NAA25: variants seen among roughly 807,000 people sequenced by gnomAD.
The protein encoded by NAA25 is N-alpha-acetyltransferase 25, NatB auxiliary subunit, also known as N-terminal acetyltransferase B complex subunit NAA25.
In NAA25, 30 loss-of-function variants were observed where a neutral mutation model predicts 132.5. The observed-to-expected ratio is 0.23, with a 90% confidence interval of 0.17 to 0.31. The LOEUF (loss-of-function observed/expected upper bound fraction) is 0.31. Ranked by LOEUF, NAA25 falls within the 10% of genes least tolerant of loss-of-function variation. NAA25 has a pLI of 1.00. For synonymous variants in NAA25, 359 were observed against 401.9 expected (o/e 0.89, Z 1.28); for missense variants, 771 against 1,150.4 (o/e 0.67, Z 4.77).
At position 112,028,163 on chromosome 12, in the gene NAA25, C is replaced by T. The variant is rs770737015; in HGVS notation, c.*1368G>A. 6 of 152,230 alleles carry T rather than the reference C, an allele frequency of 3.9e-5. No individual in the cohort carries two copies. Among genetic ancestry groups the T allele is most frequent in the Non-Finnish European group, 8.8e-5 (6 of 68,042 alleles). 9.4% of individuals were successfully genotyped at this position (152,230 alleles called of 1,614,324 possible). A position where few individuals can be genotyped will look rare whatever the true frequency, so the allele number is the denominator to read the frequency against. On this transcript the variant is annotated 3_prime_UTR_variant, in exon 24 of 24. Transcript: ENST00000261745. ...AGTACCACATTTCACTGGAGCAGTG[C>T]AGGTTGGAAAGCACCTTTAAGGTCT...
intron 1 of NAA25, among the ~76,000 whole-genome samples, chr12:112,093,622 G>T (rs1035770108): frequency 1.3e-5 from 2 of 152,302 alleles, no homozygotes; most frequent in Middle Eastern, 6.8e-3. Flanking sequence ...GCTCACACCT[G>T]TAATCCCAGT....
At chr12:112,059,811 T>C (rs2078598406) in intron 13 of NAA25, among the ~76,000 whole-genome samples, 1 of 97,316 alleles carries the variant, frequency 1.0e-5, no homozygotes. Context: ...TGGAGACAGG[T>C]TTTTTTTTTT....
At position 112,071,865 on chromosome 12, in the gene NAA25, C is replaced by A. The variant is rs773711492; in HGVS notation, c.1036+30G>T. The A allele has an allele frequency of 1.1e-5, 17 of 1,592,446 alleles. No individual in the cohort carries two copies. In the Admixed American group the frequency reaches 2.8e-4, roughly 26 times the overall value. On this transcript the variant is annotated intron_variant, in intron 10 of 23. Coordinates refer to ENST00000261745, the MANE Select transcript of NAA25 (RefSeq NM_024953.4). ...AGCACTTGGGTATTAAGGGCATTCT[C>A]CAGGCTTACCAGATATCATGGTTTC...
chr12:112,033,343 C>G lies in NAA25; in HGVS notation c.2686G>C (p.Gly896Arg). ...ACATTGGAAATTAAAGTCTGAAGCC[C>G]AGTAACATAGTCTTGGAAACTGGTA... is the stretch of plus-strand genomic sequence containing the variant. ...VFTSFQDYVT[G>R]LQTLISNVVD... Residue 896 changes from glycine to arginine, a missense_variant, in exon 23 of 24, where the codon GGG becomes CGG. By Grantham distance (125) the Gly-to-Arg change is moderately radical (BLOSUM62 -2). Around this residue, in one of 3 missense-constraint regions of NAA25, gnomAD observed 324 missense variants for 400.0 expected, o/e 0.81. Transcript: ENST00000261745. 1.2e-6 allele frequency: 2 copies of G among 1,612,190 alleles called. No individual in the cohort carries two copies. Among genetic ancestry groups the G allele is most frequent in the Non-Finnish European group, 1.7e-6 (2 of 1,179,226 alleles).
At chr12:112,046,082 C>T (rs1423849171) in intron 17 of NAA25, among the ~76,000 whole-genome samples, 3 of 152,212 alleles carry the variant, frequency 2.0e-5, no homozygotes, top group Non-Finnish European at 4.4e-5. Context: ...ACTTTGCACT[C>T]CAACTGTTCC....
In NAA25 at chr12:112,028,939, C is replaced by T. The variant is rs886158148; in HGVS notation, c.*592G>A. 2 of 152,268 alleles carry T rather than the reference C, an allele frequency of 1.3e-5. No homozygotes were observed. The highest frequency in any genetic ancestry group is 4.8e-5 in the African/African-American group (2 of 41,444). The allele number at this position is 152,268 out of a possible 1,614,324, so 9.4% of individuals were successfully genotyped here. A position where few individuals can be genotyped will look rare whatever the true frequency, so the allele number is the denominator to read the frequency against. On this transcript the variant is annotated 3_prime_UTR_variant, in exon 24 of 24. Transcript: ENST00000261745. Reference sequence around the variant, plus strand: ...TAGCCAAAAACTAAGTGCCTGTGGTCATCCAAGTGGTGCCCTTCTATTGCG... The same window carrying T: ...TAGCCAAAAACTAAGTGCCTGTGGTTATCCAAGTGGTGCCCTTCTATTGCG...
intron 1 of NAA25, among the ~76,000 whole-genome samples, chr12:112,100,496 A>C (rs762108891): frequency 6.0e-5 from 9 of 150,934 alleles, no homozygotes; most frequent in Non-Finnish European, 1.2e-4. Context: ...TATTTCCCAC[A>C]CAGTATTCAG....
At chr12:112,077,077 T>G (rs907519129) in intron 7 of NAA25, among the ~76,000 whole-genome samples, 2 of 152,056 alleles carry the variant, frequency 1.3e-5, no homozygotes, top group African/African-American at 4.8e-5. Context: ...TTAAGTAAAT[T>G]TCTACATTCA....
chr12:112,054,623 CAAAAACA>C (rs1359771676), intron 13 of NAA25, 55 bp from the exon 14 acceptor site: 1 of 1,499,378 alleles, frequency 6.7e-7, no homozygotes, highest in Non-Finnish European at 9.0e-7. Flanking sequence ...GAAAGCTTCC[CAAAAACA>C]AAAAACAAAA....
At chr12:112,030,944 ATTTTTTT>A (rs76808707) in intron 23 of NAA25, among the ~76,000 whole-genome samples, 1 of 146,990 alleles carries the variant, frequency 6.8e-6, no homozygotes, top group East Asian at 2.0e-4. Flanking sequence ...TGAATTTAAA[ATTTTTTT>A]TTTTTTTTAA....
chr12:112,073,568 C>G (rs1048503869), intron 9 of NAA25, among the ~76,000 whole-genome samples: 1 of 152,156 alleles, frequency 6.6e-6, no homozygotes, highest in Non-Finnish European at 1.5e-5. Context: ...TCCAGAGTAG[C>G]TGGGACTACA....
chr12:112,074,828 A>G, intron 8 of NAA25, 64 bp from the exon 9 acceptor site: 2 of 1,078,890 alleles, frequency 1.9e-6, no homozygotes, highest in Non-Finnish European at 2.8e-6. Context: ...TTCCTTAGGA[A>G]CCATGATATT....
At chr12:112,087,649 T>C in intron 4 of NAA25, 34 bp downstream of exon 4, 1 of 1,452,774 alleles carries the variant, frequency 6.9e-7, no homozygotes, top group Non-Finnish European at 9.6e-7. Flanking sequence ...TAATAGTAAA[T>C]CCCATAGCCC....
Position 112,043,667 on chromosome 12 carries a change from T to C in NAA25, c.2208A>G (p.Ala736=). ...TAAATCGCTTTCCTGTCTCCAGGGT[T>C]GCCTCCAGCTGTTGAAGGAGCAAAC... ...ILRLLLQQLE[A]TLETGKRFIE... Residue 736 remains alanine (A), a synonymous_variant, in exon 18 of 24, where the codon GCA becomes GCG. Coordinates refer to ENST00000261745, the MANE Select transcript of NAA25 (RefSeq NM_024953.4). 6.2e-7 allele frequency: 1 copy of C among 1,614,214 alleles called. No individual in the cohort carries two copies. The highest frequency in any genetic ancestry group is 2.2e-5 in the East Asian group (1 of 44,886).
In NAA25 at chr12:112,049,745, T is replaced by C. The variant is rs982568896; in HGVS notation, c.1729-1302A>G. On this transcript the variant is annotated intron_variant, in intron 15 of 23. Transcript: ENST00000261745. This position sits in a 1 kb window ranked among gnomAD's most constrained non-coding sequence, Gnocchi z 4.7. Reference sequence around the variant, plus strand: ...GATTAAAGGACAGTGATACACCCTATCAAGAGGAGGCCAGGATACTCTAAA... The same window carrying C: ...GATTAAAGGACAGTGATACACCCTACCAAGAGGAGGCCAGGATACTCTAAA... 3 of 571,390 alleles carry C rather than the reference T, an allele frequency of 5.3e-6. No homozygotes were observed. The African/African-American group carries it at 6.1e-5, about 12-fold the overall frequency. 35.4% of individuals were successfully genotyped at this position (571,390 alleles called of 1,614,324 possible). A position where few individuals can be genotyped will look rare whatever the true frequency, so the allele number is the denominator to read the frequency against.
rs763690715 is a variant in NAA25 at position 112,054,470 on chromosome 12, A to T, written c.1546T>A (p.Tyr516Asn). ...GGTTCAAATGCACCCAGCATACAGT[A>T]GATTCGAACAAGCAGCAATTTGAAC... The part of the protein sequence containing the change: ...AQFKLLLVRI[Y>N]CMLGAFEPVV... Residue 516 changes from tyrosine to asparagine, a missense_variant, in exon 14 of 24, where the codon TAC becomes AAC. Physicochemically the swap from Tyr to Asn is moderately radical, Grantham distance 143. Coordinates refer to ENST00000261745, the MANE Select transcript of NAA25 (RefSeq NM_024953.4). 2.5e-6 allele frequency: 4 copies of T among 1,614,206 alleles called. No homozygotes were observed. The highest frequency in any genetic ancestry group is 3.4e-6 in the Non-Finnish European group (4 of 1,180,014).
At chr12:112,060,487 T>A in intron 12 of NAA25, 128 bp from the exon 13 acceptor site, 1 of 619,508 alleles carries the variant, frequency 1.6e-6, no homozygotes, top group Non-Finnish European at 2.8e-6. Context: ...AAGAATAAGA[T>A]AAGTACCAGG....
intron 1 of NAA25, among the ~76,000 whole-genome samples, chr12:112,095,785 A>G (rs1472764264): frequency 1.3e-5 from 2 of 152,110 alleles, no homozygotes; most frequent in Non-Finnish European, 2.9e-5. Flanking sequence ...AAGGTGAAAA[A>G]CTATACAGAT....
Position 112,100,614 on chromosome 12 carries a change from C to CTTTT in NAA25, c.59-7482_59-7479dup, listed in dbSNP as rs71083200. 1.5e-3 allele frequency among the ~76,000 whole-genome samples: 146 copies of CTTTT among 100,632 alleles called. 6 individuals are homozygous for CTTTT. In the East Asian group the frequency reaches 0.026, roughly 18 times the overall value. The allele number at this position is 100,632 out of a possible 152,430, so 66.0% of individuals were successfully genotyped here. A position where few individuals can be genotyped will look rare whatever the true frequency, so the allele number is the denominator to read the frequency against. On this transcript the variant is annotated intron_variant, in intron 1 of 23. Transcript: ENST00000261745. ...TTTTCACAGGTATTGATTCCATTGT[C>CTTTT]TTTTTTTTTTTTTTTTTTTTTTTGA... is the stretch of plus-strand genomic sequence containing the variant.
Sources: gnomAD v4.1 joint callset for allele counts (sites outside exome capture counted in the v4.1 genomes callset) on GRCh38, gnomAD v4.1.1 for gene constraint, gnomAD v4.1.1 regional missense constraint, Gnocchi (gnomAD v3.1) non-coding constraint, MANE v1.5 for transcripts, NCBI Gene and HGNC (gene_info 2026-07-23, HGNC 2026-07-21) for gene names.